NCAPH2: variants seen among roughly 807,000 people sequenced by gnomAD.
The protein encoded by NCAPH2 is non-SMC condensin II complex subunit H2.
In NCAPH2, 56 loss-of-function variants were observed where a neutral mutation model predicts 88.6. The observed-to-expected ratio is 0.63, with a 90% confidence interval of 0.51 to 0.79. NCAPH2 has a LOEUF of 0.79. NCAPH2 is among the 30% of genes least tolerant of loss of function. The pLI, the probability that NCAPH2 is intolerant of heterozygous loss-of-function variation, is 0.00. For synonymous variants in NCAPH2, 378 were observed against 313.6 expected (o/e 1.21, Z -2.17); for missense variants, 794 against 792.0 (o/e 1.00, Z -0.03).
chr22:50,509,857 C>T (rs1461823604), intron 1 of NCAPH2, among the ~76,000 whole-genome samples: 3 of 152,184 alleles, frequency 2.0e-5, no homozygotes, highest in Admixed American at 2.0e-4. Flanking sequence ...CCTATGGCCC[C>T]TCCAAGCTTT....
intron 1 of NCAPH2, among the ~76,000 whole-genome samples, chr22:50,515,485 C>T (rs554522235): frequency 1.8e-4 from 28 of 151,498 alleles, no homozygotes; most frequent in African/African-American, 6.6e-4. Flanking sequence ...CAAGCTCCGC[C>T]TCCCAGGTTC....
intron 2 of NCAPH2, among the ~76,000 whole-genome samples, chr22:50,517,181 A>G (rs556710665): frequency 3.5e-4 from 53 of 152,356 alleles, no homozygotes; most frequent in African/African-American, 1.2e-3. Context: ...TGAGAAGGCC[A>G]CGCTCGCGGC....
At chr22:50,508,851 C>G (rs1453744176) in intron 1 of NCAPH2, among the ~76,000 whole-genome samples, 2 of 152,210 alleles carry the variant, frequency 1.3e-5, no homozygotes, top group Non-Finnish European at 2.9e-5. Context: ...CAATTTCAAG[C>G]TATTGCCATG....
At chr22:50,518,798 C>T (rs2069001567) in intron 8 of NCAPH2, 66 bp downstream of exon 8, 7 of 1,455,672 alleles carry the variant, frequency 4.8e-6, no homozygotes, top group East Asian at 2.5e-5. Flanking sequence ...AGGCAGCACC[C>T]AGTGGACAGG....
At chr22:50,513,097 T>G (rs1179638063) in intron 1 of NCAPH2, among the ~76,000 whole-genome samples, 1 of 152,274 alleles carries the variant, frequency 6.6e-6, no homozygotes, top group Non-Finnish European at 1.5e-5. Context: ...TTTTATGTGC[T>G]TTACACATAT....
chr22:50,520,556 T>G (rs1327831877), intron 9 of NCAPH2: 2 of 160,114 alleles, frequency 1.2e-5, no homozygotes, highest in Non-Finnish European at 2.7e-5. Context: ...GTCCGGTCCC[T>G]GTAGGTTTTT....
chr22:50,508,436 T>G lies in NCAPH2; in HGVS notation c.99T>G (p.Tyr33Ter). Residue 33 changes from tyrosine to a stop codon, truncating the protein, a stop_gained, in exon 1 of 20, where the codon TAT (tyrosine) becomes TAG (stop). Transcript: ENST00000420993. LOFTEE classifies it high-confidence loss of function. Reference protein sequence around the residue: ...EVDVAAQLGEYLEELDQICIS... With the variant: ...EVDVAAQLGE ...ACGTGGCGGCCCAGCTGGGCGAGTA[T>G]CTGGAGGAGGTAAGGGCGGCGGGGG... The G allele has an allele frequency of 1.4e-6, 2 of 1,412,762 alleles. No individual in the cohort carries two copies. The highest frequency in any genetic ancestry group is 1.9e-6 in the Non-Finnish European group (2 of 1,078,474). 87.5% of individuals were successfully genotyped at this position (1,412,762 alleles called of 1,614,324 possible).
At chr22:50,515,841 C>T in intron 1 of NCAPH2, 2 of 1,256,314 alleles carry the variant, frequency 1.6e-6, no homozygotes, top group Non-Finnish European at 1.0e-6. Flanking sequence ...TGAATGCAGC[C>T]CCAGAGCTAA....
At position 50,517,820 on chromosome 22, in the gene NCAPH2, G is replaced by T; in HGVS notation, c.420+11G>T. ...GATCAGACGCCCAGTGTGAGTCCTG[G>T]CCTGGCCCCTCTTAGGCTGGGGTGA... On this transcript the variant is annotated intron_variant, in intron 5 of 19. Transcript: ENST00000420993. 1 of 1,613,564 alleles carries T rather than the reference G, an allele frequency of 6.2e-7. No homozygotes were observed. Among genetic ancestry groups the T allele is most frequent in the Non-Finnish European group, 8.5e-7 (1 of 1,179,888 alleles).
intron 1 of NCAPH2, among the ~76,000 whole-genome samples, chr22:50,509,380 T>G (rs2068723552): frequency 6.6e-6 from 1 of 152,196 alleles, no homozygotes; most frequent in Non-Finnish European, 1.5e-5. Flanking sequence ...AGTGGAACTC[T>G]TCATTTTTCT....
intron 1 of NCAPH2, among the ~76,000 whole-genome samples, chr22:50,510,132 AG>A (rs1318185002): frequency 6.6e-6 from 1 of 152,182 alleles, no homozygotes; most frequent in African/African-American, 2.4e-5. Flanking sequence ...CGTGTTAGCC[AG>A]GATGGTCTCG....
Position 50,523,178 on chromosome 22 carries a change from G to T in NCAPH2, c.1677+12G>T. The stretch of plus-strand genomic sequence containing the variant: ...CCTCCCTGCAGCTGGTGAGTAGCCT[G>T]GGATACGTGGGAGGGGGAGACGGTC... On this transcript the variant is annotated intron_variant, in intron 19 of 19. Transcript: ENST00000420993. 1 of 1,613,708 alleles carries T rather than the reference G, an allele frequency of 6.2e-7. No homozygotes were observed.
intron 7 of NCAPH2, 86 bp from the exon 8 acceptor site, chr22:50,518,563 C>T: frequency 7.4e-7 from 1 of 1,353,678 alleles, no homozygotes; most frequent in South Asian, 1.3e-5. Context: ...CTCCTGCTGG[C>T]CCCTTGGAGA....
chr22:50,510,712 G>C (rs1021697829), intron 1 of NCAPH2, among the ~76,000 whole-genome samples: 12 of 152,274 alleles, frequency 7.9e-5, no homozygotes, highest in African/African-American at 2.4e-4. Flanking sequence ...TTACAGACGT[G>C]AGCCACCACG....
rs1283483427 is a variant in NCAPH2 at position 50,523,001 on chromosome 22, C to G, written c.1528-16C>G. ...CTTGCCTCTCTCCGCAGCCAACATG[C>G]CCCTCCCCTGTGCAGGAGCAGCATG... On this transcript the variant is annotated splice_polypyrimidine_tract_variant and intron_variant, in intron 18 of 19. Transcript: ENST00000420993. The G allele has an allele frequency of 3.1e-6, 5 of 1,605,326 alleles. No homozygotes were observed. The highest frequency in any genetic ancestry group is 4.3e-6 in the Non-Finnish European group (5 of 1,174,954).
chr22:50,519,277 C>T lies in NCAPH2; in HGVS notation c.818C>T (p.Pro273Leu). Residue 273 changes from proline to leucine, a missense_variant, in exon 9 of 20, where the codon CCC becomes CTC. Physicochemically the swap from Pro to Leu is moderately conservative, Grantham distance 98. Around this residue, in one of 2 missense-constraint regions of NCAPH2, gnomAD observed 735 missense variants for 696.3 expected, o/e 1.06. Coordinates refer to ENST00000420993, the MANE Select transcript of NCAPH2 (RefSeq NM_152299.4). ...GTAGAGCTTCCTGAGGCCTCGGCCC[C>T]CAAGGCCGCTCTGGAGCCCAAGGAG... Reference protein sequence around the residue: ...EAVELPEASAPKAALEPKESR... With the variant: ...EAVELPEASALKAALEPKESR... The T allele has an allele frequency of 6.2e-7, 1 of 1,606,950 alleles. No homozygotes were observed.
At chr22:50,508,479 C>CGGGGGGTG in intron 1 of NCAPH2, 34 bp downstream of exon 1, 1 of 147,196 alleles carries the variant, frequency 6.8e-6, no homozygotes, top group Non-Finnish European at 1.3e-5. Flanking sequence ...CGGGGTGGGC[C>CGGGGGGTG]GGCGGGTGGG....
In NCAPH2 at chr22:50,524,236, G is replaced by T; in HGVS notation, c.*861G>T. The T allele has an allele frequency of 6.2e-7, 1 of 1,607,026 alleles. No homozygotes were observed. Among genetic ancestry groups the T allele is most frequent in the Non-Finnish European group, 8.5e-7 (1 of 1,179,874 alleles). The stretch of plus-strand genomic sequence containing the variant: ...GAACAGGCCTGTGATCAGCAGCCGG[G>T]TTCGAAGCCCAGGGCCCTGGGGCTG... On this transcript the variant is annotated 3_prime_UTR_variant, in exon 20 of 20. Transcript: ENST00000420993.
At chr22:50,515,688 A>G (rs9628202) in intron 1 of NCAPH2, 60,106 of 1,166,420 alleles carry the variant, frequency 0.052, 4,778 homozygotes, top group African/African-American at 0.38. Flanking sequence ...GAGCCACCGC[A>G]CCCGGCCTTT....
Sources: allele counts gnomAD v4.1 joint callset (sites outside exome capture counted in the v4.1 genomes callset), GRCh38; gene constraint gnomAD v4.1.1; regional missense constraint gnomAD v4.1.1; transcripts MANE v1.5; gene names NCBI Gene and HGNC (gene_info 2026-07-23, HGNC 2026-07-21).